FKBP14: variants seen among roughly 807,000 people sequenced by gnomAD.
The protein encoded by FKBP14 is FKBP prolyl isomerase 14, also known as peptidyl-prolyl cis-trans isomerase FKBP14.
FKBP14 carries 20 observed loss-of-function variants against 21.6 expected under a neutral mutation model. The observed-to-expected ratio is 0.92, with a 90% CI of 0.65 to 1.34. The LOEUF is 1.34. Ranked by LOEUF, FKBP14 falls within the 40% of genes most tolerant of loss-of-function variation. FKBP14 has a pLI of 0.00. For missense variants in FKBP14, 253 were observed against 249.0 expected (o/e 1.02, Z -0.11); for synonymous variants, 79 against 86.7 (o/e 0.91, Z 0.49).
At chr7:30,009,953 C>T (rs575200930), downstream of FKBP14, among the ~76,000 whole-genome samples, 9 of 152,066 alleles carry the variant, frequency 5.9e-5, no homozygotes, top group East Asian at 5.8e-4. Flanking sequence ...CAACCAAGAT[C>T]GCGCCACTGG....
Position 30,022,796 on chromosome 7 carries a change from T to A in FKBP14, c.218A>T (p.Gln73Leu), listed in dbSNP as rs780382667. The A allele has an allele frequency of 7.4e-6, 12 of 1,613,808 alleles. No homozygotes were observed. Among genetic ancestry groups the A allele is most frequent in the Non-Finnish European group, 1.0e-5 (12 of 1,179,930 alleles). ...FHSTHKHNNG[Q>L]PIWFTLGILE... ...GATGCCCAGGGTAAACCAAATGGGCTGACCATTGTTATGTTTGTGACTATG... is the reference window on the plus strand; with the variant it reads ...GATGCCCAGGGTAAACCAAATGGGCAGACCATTGTTATGTTTGTGACTATG... The change falls in exon 2 of 4, where the codon CAG (glutamine) becomes CTG (leucine). Residue 73 changes from glutamine to leucine, a missense_variant. Gln to Leu is a moderately radical substitution (Grantham distance 113, BLOSUM62 -2). Transcript: ENST00000222803.
chr7:30,007,057 T>C (rs1789629775), downstream of FKBP14, among the ~76,000 whole-genome samples: 1 of 152,228 alleles, frequency 6.6e-6, no homozygotes, highest in Non-Finnish European at 1.5e-5. Context: ...CTTTGTACAC[T>C]GATATACTGG....
downstream of FKBP14, among the ~76,000 whole-genome samples, chr7:30,008,704 C>T (rs1195125348): frequency 1.3e-5 from 2 of 149,694 alleles, no homozygotes; most frequent in African/African-American, 4.9e-5. Context: ...CGGCCAGGTG[C>T]GGTGGCTCAT....
intron 3 of FKBP14, among the ~76,000 whole-genome samples, chr7:30,015,493 A>C (rs1034208322): frequency 6.6e-6 from 1 of 151,640 alleles, no homozygotes; most frequent in Non-Finnish European, 1.5e-5. Flanking sequence ...TCAAAGGCAG[A>C]GATAAAGCTT....
In FKBP14 at chr7:30,014,902, T is replaced by G; in HGVS notation, c.478-9A>C. On this transcript the variant is annotated splice_polypyrimidine_tract_variant and intron_variant, in intron 3 of 3. Transcript: ENST00000222803. ...TTTAAATATGCTTTAACCTACAAAA[T>G]AACAGATCCCATTAATAACTTGGAT... 6.4e-7 allele frequency: 1 copy of G among 1,562,178 alleles called. No homozygotes were observed. The highest frequency in any genetic ancestry group is 8.6e-7 in the Non-Finnish European group (1 of 1,158,280).
rs1396390888 is a variant in FKBP14, at chr7:30,012,561, T to C, written c.*2174A>G. 1.3e-5 allele frequency: 2 copies of C among 152,236 alleles called. No homozygotes were observed. The highest frequency in any genetic ancestry group is 1.3e-4 in the Admixed American group (2 of 15,282). The allele number at this position is 152,236 out of a possible 1,614,324, so 9.4% of individuals were successfully genotyped here. A position where few individuals can be genotyped will look rare whatever the true frequency, so the allele number is the denominator to read the frequency against. On this transcript the variant is annotated 3_prime_UTR_variant, in exon 4 of 4. Transcript: ENST00000222803. ...GTATAGTCTTGTTAAGAACTTTATG[T>C]TTTACTGAGGAAAATGTCAACATAT...
In FKBP14 at chr7:30,017,947, G is replaced by A. The variant is rs571404364; in HGVS notation, c.477+1049C>T. Among the ~76,000 whole-genome samples the A allele has an allele frequency of 6.6e-5, 10 of 152,124 alleles. No homozygotes were observed. The East Asian group carries it at 1.9e-3, about 29-fold the overall frequency. On this transcript the variant is annotated intron_variant, in intron 3 of 3. Coordinates refer to ENST00000222803, the MANE Select transcript of FKBP14 (RefSeq NM_017946.4). ...GGAGGCAGAGGTTGCAGTGAGCCGA[G>A]ATTTTGCCACTGCACTCCAGGCTGG...
downstream of FKBP14, among the ~76,000 whole-genome samples, chr7:30,006,730 C>T (rs1242130666): frequency 6.6e-6 from 1 of 152,122 alleles, no homozygotes; most frequent in African/African-American, 2.4e-5. Context: ...CGGGAATAGT[C>T]CCCAATTATT....
Position 30,021,769 on chromosome 7 carries a change from G to A in FKBP14, c.349+896C>T, listed in dbSNP as rs370122930. Among the ~76,000 whole-genome samples the A allele has an allele frequency of 3.3e-5, 5 of 152,174 alleles. No individual in the cohort carries two copies. In the East Asian group the frequency reaches 9.6e-4, roughly 29 times the overall value. On this transcript the variant is annotated intron_variant, in intron 2 of 3. Transcript: ENST00000222803. ...AGGGTTTCACCATGTTGGCCACGTC[G>A]GTCTCAAACTCCTGACCTCAAGTGA...
At position 30,014,506 on chromosome 7, in the gene FKBP14, T is replaced by C. The variant is rs1562835675; in HGVS notation, c.*229A>G. 3.4e-6 allele frequency: 1 copy of C among 290,694 alleles called. No individual in the cohort carries two copies. The highest frequency in any genetic ancestry group is 6.3e-6 in the Non-Finnish European group (1 of 159,534). The allele number at this position is 290,694 out of a possible 1,614,324, so 18.0% of individuals were successfully genotyped here. A position where few individuals can be genotyped will look rare whatever the true frequency, so the allele number is the denominator to read the frequency against. The stretch of plus-strand genomic sequence containing the variant: ...GCTTCATATCTGTGAAAGTGAAAAA[T>C]TGTCCAGAAGTCTTCTATTCAAAGA... On this transcript the variant is annotated 3_prime_UTR_variant, in exon 4 of 4. Transcript: ENST00000222803.
chr7:30,022,602 C>G, intron 2 of FKBP14, 63 bp downstream of exon 2: 1 of 1,513,444 alleles, frequency 6.6e-7, no homozygotes, highest in Non-Finnish European at 8.8e-7. Flanking sequence ...ACTCTAACTT[C>G]TGTCTCCTAA....
rs2127950885 is a variant in FKBP14 at position 30,026,423 on chromosome 7, A to G, written c.86T>C (p.Ile29Thr). ...GATGAATGGCTTCTGGAGAACTTCA[A>G]TTTTCACTTCTGGTTCAGGGATCAA... ...GALIPEPEVK[I>T]EVLQKPFICH... is the part of the protein sequence containing the mutation. Residue 29 changes from isoleucine to threonine, a missense_variant, in exon 1 of 4, where the codon ATT becomes ACT. Ile to Thr is a moderately conservative substitution (Grantham distance 89). Coordinates refer to ENST00000222803, the MANE Select transcript of FKBP14 (RefSeq NM_017946.4). The G allele has an allele frequency of 1.9e-6, 3 of 1,614,166 alleles. No homozygotes were observed. Among genetic ancestry groups the G allele is most frequent in the African/African-American group, 1.3e-5 (1 of 75,048 alleles).
At position 30,026,501 on chromosome 7, in the gene FKBP14, A is replaced by C; in HGVS notation, c.8T>G (p.Leu3Arg). 1 of 1,608,324 alleles carries C rather than the reference A, an allele frequency of 6.2e-7. No individual in the cohort carries two copies. Among genetic ancestry groups the C allele is most frequent in the Non-Finnish European group, 8.5e-7 (1 of 1,177,492 alleles). The change falls in exon 1 of 4, where the codon CTT (leucine) becomes CGT (arginine). Residue 3 changes from leucine to arginine, a missense_variant. By Grantham distance (102) the Leu-to-Arg change is moderately radical (BLOSUM62 -2). Transcript: ENST00000222803. The part of the protein sequence containing the change: MR[L>R]FLWNAVLTLF... ...AGTCAAGACCGCGTTCCACAAGAAAAGCCTCATGTTGCTGAAGCAAGGAAA... is the reference window on the plus strand; with the variant it reads ...AGTCAAGACCGCGTTCCACAAGAAACGCCTCATGTTGCTGAAGCAAGGAAA...
chr7:30,022,955 A>G (rs1790075995), intron 1 of FKBP14, 139 bp from the exon 2 acceptor site: 2 of 657,640 alleles, frequency 3.0e-6, no homozygotes, highest in Non-Finnish European at 4.9e-6. Context: ...GCACACATAC[A>G]CACACACCTC....
downstream of FKBP14, among the ~76,000 whole-genome samples, chr7:30,009,857 G>C (rs1789682172): frequency 1.3e-5 from 2 of 151,718 alleles, no homozygotes; most frequent in Admixed American, 1.3e-4. Context: ...AAATTAGCTG[G>C]GCGTGGTGGC....
In FKBP14 at chr7:30,014,688, G is replaced by C; in HGVS notation, c.*47C>G. 8.5e-7 allele frequency: 1 copy of C among 1,181,998 alleles called. No individual in the cohort carries two copies. Among genetic ancestry groups the C allele is most frequent in the Non-Finnish European group, 1.1e-6 (1 of 890,570 alleles). The allele number at this position is 1,181,998 out of a possible 1,614,324, so 73.2% of individuals were successfully genotyped here. On this transcript the variant is annotated 3_prime_UTR_variant, in exon 4 of 4. Transcript: ENST00000222803. ...AATAAAATGTTCTTTAAAGATGACTGCCCTCTCTTGAAAGATGAGTGCTAT... is the reference window on the plus strand; with the variant it reads ...AATAAAATGTTCTTTAAAGATGACTCCCCTCTCTTGAAAGATGAGTGCTAT...
At chr7:30,019,261 T>C (rs1027736336) in intron 2 of FKBP14, 138 bp from the exon 3 acceptor site, 10 of 767,158 alleles carry the variant, frequency 1.3e-5, no homozygotes, top group African/African-American at 1.3e-4. Flanking sequence ...ATGAAAATTA[T>C]GTATATTATA....
downstream of FKBP14, among the ~76,000 whole-genome samples, chr7:30,008,792 C>T (rs981268968): frequency 7.2e-5 from 11 of 151,824 alleles, no homozygotes; most frequent in Admixed American, 2.0e-4. Flanking sequence ...CTGGCTAACA[C>T]GGTGAAACCC....
chr7:30,026,188 A>C, intron 1 of FKBP14, 124 bp downstream of exon 1: 1 of 925,300 alleles, frequency 1.1e-6, no homozygotes. Context: ...CCAAAGAAGG[A>C]AATAAGATAT....
Sources: gnomAD v4.1 joint callset for allele counts (sites outside exome capture counted in the v4.1 genomes callset) on GRCh38, gnomAD v4.1.1 for gene constraint, MANE v1.5 for transcripts, NCBI Gene and HGNC (gene_info 2026-07-23, HGNC 2026-07-21) for gene names.